Variants in RAPGEF5 observed in about 807,000 individuals in gnomAD.
The protein encoded by RAPGEF5 is M-Ras-regulated GEF.
A neutral mutation model predicts 125.2 loss-of-function variants in RAPGEF5; 65 were observed. That is an observed-to-expected ratio of 0.52 (90% CI 0.43 to 0.64). The LOEUF (loss-of-function observed/expected upper bound fraction) is 0.64, where lower values mean the gene tolerates loss of function less well. Ranked by LOEUF, RAPGEF5 falls within the 30% of genes least tolerant of loss-of-function variation. RAPGEF5 has a pLI of 0.00. For missense variants in RAPGEF5, 958 were observed against 1,048.1 expected (o/e 0.91, Z 1.19); for synonymous variants, 391 against 385.9 (o/e 1.01, Z -0.16).
chr7:22,165,797 G>T (rs1027670227), intron 12 of RAPGEF5, among the ~76,000 whole-genome samples: 1 of 151,862 alleles, frequency 6.6e-6, no homozygotes. Flanking sequence ...ACAGAGAAAG[G>T]ATATTAAATA....
chr7:22,292,197 G>A (rs575000072), intron 5 of RAPGEF5, among the ~76,000 whole-genome samples: 31 of 152,288 alleles, frequency 2.0e-4, no homozygotes, highest in African/African-American at 6.3e-4. Flanking sequence ...CAGCTGCAAC[G>A]CCAGCCTTAT....
chr7:22,261,296 A>G (rs1782149823), intron 7 of RAPGEF5, among the ~76,000 whole-genome samples: 1 of 152,150 alleles, frequency 6.6e-6, no homozygotes, highest in Non-Finnish European at 1.5e-5. Context: ...AGTATATACA[A>G]TTAATAAAAA....
rs142118876 is a variant in RAPGEF5 at position 22,320,683 on chromosome 7, C to T, written c.232-2646G>A. ...TTTTCCTCTCAGCATCCCAGGGCTTCATCTCATCACTCCTGTGGCAACTTA... is the reference window on the plus strand; with the variant it reads ...TTTTCCTCTCAGCATCCCAGGGCTTTATCTCATCACTCCTGTGGCAACTTA... On this transcript the variant is annotated intron_variant, in intron 1 of 25. Transcript: ENST00000665637. Among the ~76,000 whole-genome samples, 8 of 152,270 alleles carry T rather than the reference C, an allele frequency of 5.3e-5. No individual in the cohort carries two copies. In the East Asian group the frequency reaches 1.5e-3, roughly 29 times the overall value.
chr7:22,136,447 C>A (rs949151064), intron 22 of RAPGEF5, among the ~76,000 whole-genome samples: 2 of 151,866 alleles, frequency 1.3e-5, no homozygotes, highest in Non-Finnish European at 2.9e-5. Flanking sequence ...CATGAATTAA[C>A]CCAAAGTCTC....
At chr7:22,284,936 T>C (rs1283662014) in intron 6 of RAPGEF5, among the ~76,000 whole-genome samples, 1 of 152,180 alleles carries the variant, frequency 6.6e-6, no homozygotes, top group Non-Finnish European at 1.5e-5. Flanking sequence ...TGGGGTTACA[T>C]CCCAATAAAC....
chr7:22,243,246 TTTTG>T (rs1334374786), intron 7 of RAPGEF5, among the ~76,000 whole-genome samples: 4 of 152,104 alleles, frequency 2.6e-5, no homozygotes, highest in Non-Finnish European at 2.9e-5. Context: ...AAAAAGTTTT[TTTTG>T]TTTGTTTGTT....
intron 1 of RAPGEF5, among the ~76,000 whole-genome samples, chr7:22,325,318 G>A (rs1450695453): frequency 6.6e-6 from 1 of 152,116 alleles, no homozygotes; most frequent in Non-Finnish European, 1.5e-5. Flanking sequence ...GGAGCTAACC[G>A]CTGACTAGCC....
Position 22,119,166 on chromosome 7 carries a change from C to G in RAPGEF5, c.*3240G>C, listed in dbSNP as rs1474835577. 6.6e-6 allele frequency: 1 copy of G among 152,186 alleles called. No individual in the cohort carries two copies. Among genetic ancestry groups the G allele is most frequent in the African/African-American group, 2.4e-5 (1 of 41,430 alleles). The allele number at this position is 152,186 out of a possible 1,614,324, so 9.4% of individuals were successfully genotyped here. ...GATATGGGTAGCAGTGAAAGCCCAGCTCCAGGGATAAGAAGTCATCACTGG... is the reference window on the plus strand; with the variant it reads ...GATATGGGTAGCAGTGAAAGCCCAGGTCCAGGGATAAGAAGTCATCACTGG... On this transcript the variant is annotated 3_prime_UTR_variant, in exon 26 of 26. Transcript: ENST00000665637. This position sits in a 1 kb window ranked among gnomAD's most constrained non-coding sequence, Gnocchi z 4.1.
rs1782721197 is a variant in RAPGEF5 at position 22,125,754 on chromosome 7, C to A, written c.2482-96G>T. ...TAGGATGGAAGGATAATCTAGCACT[C>A]TTGGCTGTAATAAAGAGAAGAACTG... On this transcript the variant is annotated intron_variant, in intron 24 of 25. Transcript: ENST00000665637. The A allele has an allele frequency of 3.5e-6, 4 of 1,138,284 alleles. No individual in the cohort carries two copies. In the Admixed American group the frequency reaches 6.9e-5, roughly 20 times the overall value. 70.5% of individuals were successfully genotyped at this position (1,138,284 alleles called of 1,614,324 possible).
chr7:22,151,866 T>C (rs1408287511), intron 17 of RAPGEF5, among the ~76,000 whole-genome samples: 1 of 152,234 alleles, frequency 6.6e-6, no homozygotes, highest in African/African-American at 2.4e-5. Context: ...TTTCATATAT[T>C]CCTCCTCTAT....
intron 9 of RAPGEF5, among the ~76,000 whole-genome samples, chr7:22,197,361 T>C (rs187918959): frequency 6.6e-6 from 1 of 152,304 alleles, no homozygotes; most frequent in Admixed American, 6.5e-5. Flanking sequence ...TTGAAAATCA[T>C]CTAGCTTGAC....
At chr7:22,335,691 C>CAAAAA (rs71653120) in intron 1 of RAPGEF5, among the ~76,000 whole-genome samples, 1 of 102,714 alleles carries the variant, frequency 9.7e-6, no homozygotes. Context: ...AAGAAACAAG[C>CAAAAA]AAAAAAAAAA....
chr7:22,289,766 A>G (rs1376015283), intron 6 of RAPGEF5, among the ~76,000 whole-genome samples: 1 of 152,070 alleles, frequency 6.6e-6, no homozygotes, highest in Non-Finnish European at 1.5e-5. Flanking sequence ...GTTTAGGGAG[A>G]GATCTGGGGG....
At chr7:22,258,202 A>G (rs1025958479) in intron 7 of RAPGEF5, among the ~76,000 whole-genome samples, 14 of 152,246 alleles carry the variant, frequency 9.2e-5, no homozygotes, top group African/African-American at 3.4e-4. Flanking sequence ...TTATGGAGAG[A>G]GAAAAAACTG....
intron 6 of RAPGEF5, among the ~76,000 whole-genome samples, chr7:22,284,552 T>C (rs750886644): frequency 1.3e-5 from 2 of 152,166 alleles, no homozygotes; most frequent in Admixed American, 6.5e-5. Flanking sequence ...AATCATATAG[T>C]AGCTCTTAAG....
chr7:22,312,304 G>A (rs553289843), intron 3 of RAPGEF5, among the ~76,000 whole-genome samples: 114 of 152,170 alleles, frequency 7.5e-4, no homozygotes, highest in Non-Finnish European at 9.4e-4. Context: ...TGCCTCCCGG[G>A]TTCAAGCGAT....
chr7:22,325,530 T>C (rs1783797525), intron 1 of RAPGEF5, among the ~76,000 whole-genome samples: 1 of 152,200 alleles, frequency 6.6e-6, no homozygotes, highest in Admixed American at 6.5e-5. Flanking sequence ...TAGCTGAGTA[T>C]ACACAGAGGG....
At chr7:22,158,174 G>C (rs756445191) in intron 14 of RAPGEF5, among the ~76,000 whole-genome samples, 4 of 152,004 alleles carry the variant, frequency 2.6e-5, no homozygotes, top group Non-Finnish European at 5.9e-5. Context: ...CAGTCCATGG[G>C]AACTCAGTCC....
intron 5 of RAPGEF5, 37 bp from the exon 6 acceptor site, chr7:22,291,278 T>C (rs1167813741): frequency 6.6e-7 from 1 of 1,507,854 alleles, no homozygotes; most frequent in Admixed American, 2.4e-5. Flanking sequence ...CTTTTCAGTT[T>C]TAGTTGCTCA....
Sources: gnomAD v4.1 joint callset for allele counts (sites outside exome capture counted in the v4.1 genomes callset) on GRCh38, gnomAD v4.1.1 for gene constraint, Gnocchi (gnomAD v3.1) non-coding constraint, MANE v1.5 for transcripts, NCBI Gene and HGNC (gene_info 2026-07-23, HGNC 2026-07-21) for gene names.